Variants in CNTNAP4 observed in about 807,000 individuals in gnomAD.
CNTNAP4 encodes contactin associated protein family member 4, also known as contactin-associated protein-like 4.
A neutral mutation model predicts 148.4 loss-of-function variants in CNTNAP4; 98 were observed. That is an observed-to-expected ratio of 0.66 (90% confidence interval 0.56 to 0.78). The LOEUF (loss-of-function observed/expected upper bound fraction) is 0.78, where lower values mean the gene tolerates loss of function less well. Ranked by LOEUF, CNTNAP4 falls within the 30% of genes least tolerant of loss-of-function variation. CNTNAP4 has a pLI of 0.00. For synonymous variants in CNTNAP4, 730 were observed against 565.1 expected (o/e 1.29, Z -4.14); for missense variants, 1,935 against 1,565.6 (o/e 1.24, Z -3.98).
intron 2 of CNTNAP4, 68 bp downstream of exon 2, chr16:76,316,591 C>T (rs1179404562): frequency 5.0e-6 from 5 of 1,002,246 alleles, no homozygotes; most frequent in African/African-American, 4.8e-5. Flanking sequence ...TCTTTGCATA[C>T]AGTCATTATG....
At chr16:76,512,519 G>T (rs922871637) in intron 15 of CNTNAP4, among the ~76,000 whole-genome samples, 1 of 152,184 alleles carries the variant, frequency 6.6e-6, no homozygotes, top group African/African-American at 2.4e-5. Context: ...TAGAGGGAAA[G>T]AACTGGCATT....
chr16:76,426,347 G>A (rs932445666), intron 3 of CNTNAP4, among the ~76,000 whole-genome samples: 4 of 152,164 alleles, frequency 2.6e-5, no homozygotes, highest in Non-Finnish European at 5.9e-5. Flanking sequence ...CAGTCTACAT[G>A]AGGTTGATCT....
At chr16:76,520,060 G>A (rs1006350555) in intron 15 of CNTNAP4, among the ~76,000 whole-genome samples, 2 of 152,154 alleles carry the variant, frequency 1.3e-5, no homozygotes, top group Non-Finnish European at 2.9e-5. Flanking sequence ...TTTCTTCCAG[G>A]AAGGTAATTT....
At chr16:76,521,533 T>G (rs148646011) in intron 16 of CNTNAP4, among the ~76,000 whole-genome samples, 3 of 152,328 alleles carry the variant, frequency 2.0e-5, no homozygotes, top group African/African-American at 7.2e-5. Flanking sequence ...TGTACCAATT[T>G]AAATGCAGTT....
At chr16:76,420,280 A>ATGTATATTTTTTAGAATGT (rs1330005955) in intron 3 of CNTNAP4, among the ~76,000 whole-genome samples, 1 of 73,920 alleles carries the variant, frequency 1.4e-5, no homozygotes. Flanking sequence ...ATAGGAGATA[A>ATGTATATTTTTTAGAATGT]ATATTAATTT....
At chr16:76,324,199 A>C (rs1447452048) in intron 2 of CNTNAP4, among the ~76,000 whole-genome samples, 2 of 152,226 alleles carry the variant, frequency 1.3e-5, no homozygotes, top group Non-Finnish European at 2.9e-5. Flanking sequence ...CATAAGATAC[A>C]GGAATTCAAA....
chr16:76,502,513 A>G (rs2082690775), intron 15 of CNTNAP4, among the ~76,000 whole-genome samples: 1 of 152,160 alleles, frequency 6.6e-6, no homozygotes, highest in African/African-American at 2.4e-5. Context: ...TACACATTGA[A>G]TAATTTAAGA....
chr16:76,409,834 C>G (rs1340675977), intron 3 of CNTNAP4, among the ~76,000 whole-genome samples: 1 of 151,838 alleles, frequency 6.6e-6, no homozygotes, highest in Non-Finnish European at 1.5e-5. Flanking sequence ...TAATGAGATT[C>G]AGAGATTAAT....
At chr16:76,398,142 A>G (rs2078278564) in intron 3 of CNTNAP4, among the ~76,000 whole-genome samples, 1 of 150,884 alleles carries the variant, frequency 6.6e-6, no homozygotes, top group African/African-American at 2.4e-5. Flanking sequence ...CGTGGCAGAA[A>G]GAGATAGGCC....
intron 15 of CNTNAP4, among the ~76,000 whole-genome samples, chr16:76,499,866 G>A (rs1485367292): frequency 1.3e-5 from 2 of 152,070 alleles, no homozygotes; most frequent in African/African-American, 4.8e-5. Context: ...CAGAGAGCAC[G>A]GGGTTGGGGG....
At chr16:76,286,782 G>A (rs575717069) in intron 1 of CNTNAP4, among the ~76,000 whole-genome samples, 3 of 152,202 alleles carry the variant, frequency 2.0e-5, no homozygotes, top group Admixed American at 1.3e-4. Context: ...TATGTCCAAG[G>A]CAGAAAGCTG....
At chr16:76,324,920 G>C (rs916664022) in intron 2 of CNTNAP4, among the ~76,000 whole-genome samples, 2 of 152,148 alleles carry the variant, frequency 1.3e-5, no homozygotes, top group Non-Finnish European at 2.9e-5. Flanking sequence ...CTGGGGATTA[G>C]GGCTTCAGCC....
intron 1 of CNTNAP4, among the ~76,000 whole-genome samples, chr16:76,310,765 A>G (rs1011810358): frequency 4.6e-5 from 7 of 152,146 alleles, no homozygotes; most frequent in Non-Finnish European, 5.9e-5. Context: ...CTCAGTGGCA[A>G]CTAAGCTGAA....
At chr16:76,318,799 G>T (rs1197538213) in intron 2 of CNTNAP4, among the ~76,000 whole-genome samples, 1 of 149,108 alleles carries the variant, frequency 6.7e-6, no homozygotes, top group Non-Finnish European at 1.5e-5. Flanking sequence ...ATAATTATGA[G>T]AAATTATTCT....
At chr16:76,398,213 G>A (rs1032219268) in intron 3 of CNTNAP4, among the ~76,000 whole-genome samples, 3 of 151,334 alleles carry the variant, frequency 2.0e-5, no homozygotes, top group Non-Finnish European at 4.4e-5. Flanking sequence ...TGGCCATGCT[G>A]GTAGCTGATT....
At chr16:76,368,570 G>A (rs1268731878) in intron 3 of CNTNAP4, among the ~76,000 whole-genome samples, 19 of 152,040 alleles carry the variant, frequency 1.2e-4, no homozygotes, top group Admixed American at 1.2e-3. Flanking sequence ...ACCAACACAG[G>A]AACAGAAAAC....
At chr16:76,460,773 A>AAAAATATAT in intron 8 of CNTNAP4, among the ~76,000 whole-genome samples, 1 of 57,324 alleles carries the variant, frequency 1.7e-5, no homozygotes, top group African/African-American at 6.4e-5. Context: ...AAAAAAAAAA[A>AAAAATATAT]ATATATATAT....
chr16:76,456,620 AAC>A (rs2080740213), intron 8 of CNTNAP4, among the ~76,000 whole-genome samples: 1 of 123,502 alleles, frequency 8.1e-6, no homozygotes, highest in African/African-American at 2.8e-5. Flanking sequence ...GTTGATGTTC[AAC>A]AGAAGAACAC....
Position 76,467,423 on chromosome 16 carries a change from A to C in CNTNAP4, c.1555A>C (p.Ile519Leu), listed in dbSNP as rs2081212697. The C allele has an allele frequency of 6.2e-7, 1 of 1,613,776 alleles. No individual in the cohort carries two copies. Among genetic ancestry groups the C allele is most frequent in the African/African-American group, 1.3e-5 (1 of 74,930 alleles). Residue 519 changes from isoleucine (I) to leucine (L), a missense_variant, in exon 10 of 24, where the codon ATT (isoleucine) becomes CTT (leucine). Ile to Leu is a conservative substitution (Grantham distance 5). Transcript: ENST00000611870. The part of the protein sequence containing the change: ...LGGFQGCMRL[I>L]SISGKVVDLI... ...TGGATTTCAGGGATGTATGAGGCTCATTTCTATCAGCGGCAAAGTGGTAGA... is the reference window on the plus strand; with the variant it reads ...TGGATTTCAGGGATGTATGAGGCTCCTTTCTATCAGCGGCAAAGTGGTAGA...
Sources: allele counts gnomAD v4.1 joint callset (sites outside exome capture counted in the v4.1 genomes callset), GRCh38; gene constraint gnomAD v4.1.1; transcripts MANE v1.5; gene names NCBI Gene and HGNC (gene_info 2026-07-23, HGNC 2026-07-21).